CPSF2: variants seen among roughly 807,000 people sequenced by gnomAD.
CPSF2 encodes the protein cleavage and polyadenylation specific factor 2.
CPSF2 carries 51 observed loss-of-function variants against 84.2 expected under a neutral mutation model. The ratio of observed to expected loss-of-function variants is 0.61; its 90% CI spans 0.48 to 0.77. The LOEUF is 0.77. Among genes scored for constraint, CPSF2 ranks in the 30% least tolerant of loss-of-function variants. CPSF2 has a pLI of 0.00. For synonymous variants in CPSF2, 286 were observed against 311.9 expected, an observed-to-expected ratio of 0.92 and a Z score of 0.87; for missense variants, 641 against 929.4, an observed-to-expected ratio of 0.69 and a Z score of 4.03.
intron 15 of CPSF2, 45 bp from the exon 16 acceptor site, chr14:92,161,607 A>T: frequency 1.5e-6 from 2 of 1,340,952 alleles, no homozygotes; most frequent in South Asian, 1.3e-5. Context: ...CTGCATATTA[A>T]TGAATAGAAA....
intron 7 of CPSF2, 102 bp from the exon 8 acceptor site, chr14:92,142,061 TA>T: frequency 1.1e-6 from 1 of 941,088 alleles, no homozygotes; most frequent in Non-Finnish European, 1.5e-6. Flanking sequence ...TGCTTATTTG[TA>T]AATTATAGTC....
At chr14:92,138,130 G>A (rs1199571251) in intron 6 of CPSF2, 102 bp from the exon 7 acceptor site, 1 of 496,134 alleles carries the variant, frequency 2.0e-6, no homozygotes, top group African/African-American at 2.0e-5. Flanking sequence ...GTTAGAGGAG[G>A]GAACACCTTA....
chr14:92,135,549 C>A, intron 6 of CPSF2, 53 bp downstream of exon 6: 2 of 1,499,054 alleles, frequency 1.3e-6, no homozygotes, highest in South Asian at 1.3e-5. Context: ...TTATTTTATT[C>A]TTTGGAGAAA....
At chr14:92,140,750 A>G (rs1159968988) in intron 7 of CPSF2, among the ~76,000 whole-genome samples, 2 of 151,772 alleles carry the variant, frequency 1.3e-5, no homozygotes, top group Non-Finnish European at 2.9e-5. Context: ...CATCTCTACA[A>G]AAAAAAAGAA....
intron 1 of CPSF2, among the ~76,000 whole-genome samples, chr14:92,124,281 G>T (rs2068817750): frequency 6.6e-6 from 1 of 152,056 alleles, no homozygotes; most frequent in South Asian, 2.1e-4. Context: ...GAGGATATTT[G>T]TTTTTTTAGG....
rs758600812 is a variant in CPSF2, at chr14:92,165,493, C to G, written c.*3749C>G. On this transcript the variant is annotated 3_prime_UTR_variant, in exon 16 of 16. Transcript: ENST00000298875. ...ATAGTGTGGGTGAAGAAGTGTCTCA[C>G]TGAGGTTTTGATTTGCATTTCCTTA... is the stretch of plus-strand genomic sequence containing the variant. 3.9e-5 allele frequency: 6 copies of G among 152,094 alleles called. No homozygotes were observed. Among genetic ancestry groups the G allele is most frequent in the Non-Finnish European group, 7.4e-5 (5 of 68,018 alleles). The allele number at this position is 152,094 out of a possible 1,614,324, so 9.4% of individuals were successfully genotyped here.
At chr14:92,126,292 C>T in intron 2 of CPSF2, 112 bp downstream of exon 2, 1 of 152,110 alleles carries the variant, frequency 6.6e-6, no homozygotes, top group East Asian at 1.9e-4. Flanking sequence ...TTAATATGAA[C>T]TTACTCAGTT....
intron 14 of CPSF2, among the ~76,000 whole-genome samples, chr14:92,159,771 G>C (rs1279187263): frequency 1.3e-5 from 2 of 151,862 alleles, no homozygotes; most frequent in African/African-American, 4.8e-5. Flanking sequence ...GTATGTCTCT[G>C]TGTATATATT....
At chr14:92,152,627 C>T (rs555634103) in intron 9 of CPSF2, among the ~76,000 whole-genome samples, 5 of 149,676 alleles carry the variant, frequency 3.3e-5, no homozygotes, top group African/African-American at 4.9e-5. Flanking sequence ...ATAGTAGAGA[C>T]GGGGTTTCAC....
chr14:92,147,388 A>T (rs2069157159), intron 9 of CPSF2, among the ~76,000 whole-genome samples: 1 of 152,232 alleles, frequency 6.6e-6, no homozygotes, highest in Admixed American at 6.5e-5. Context: ...TGGATTAGAA[A>T]AAGGAGTAAG....
In CPSF2 at chr14:92,169,809, G is replaced by C. The variant is rs1229892683; in HGVS notation, c.*8065G>C. ...ATTGAATACTTTTACCTAAGATAAT[G>C]AAACCGTTAAGTAGAGATTTTTCTA... On this transcript the variant is annotated 3_prime_UTR_variant, in exon 16 of 16. Transcript: ENST00000298875. 6.6e-6 allele frequency: 1 copy of C among 151,990 alleles called. No individual in the cohort carries two copies. Among genetic ancestry groups the C allele is most frequent in the East Asian group, 1.9e-4 (1 of 5,200 alleles). 9.4% of individuals were successfully genotyped at this position (151,990 alleles called of 1,614,324 possible).
intron 13 of CPSF2, 44 bp from the exon 14 acceptor site, chr14:92,158,939 T>C: frequency 6.8e-6 from 10 of 1,473,654 alleles, no homozygotes; most frequent in Non-Finnish European, 9.2e-6. Context: ...TGTTAATATG[T>C]ATTCTGTGGG....
intron 2 of CPSF2, 94 bp from the exon 3 acceptor site, chr14:92,130,857 C>A: frequency 1.4e-6 from 1 of 727,282 alleles, no homozygotes; most frequent in Non-Finnish European, 2.1e-6. Flanking sequence ...AATTTCTATG[C>A]ACTTAAAGAT....
chr14:92,134,285 A>G lies in CPSF2; in HGVS notation c.345A>G (p.Thr115=), dbSNP rs758152496. The change falls in exon 5 of 16, where the codon ACA becomes ACG. Residue 115 remains threonine, a synonymous_variant. Coordinates refer to ENST00000298875, the MANE Select transcript of CPSF2 (RefSeq NM_017437.3). ...RHNTEDFTLF[T]LDDVDAAFDK... is the part of the protein sequence containing the mutation. ...ATACAGAAGATTTTACACTCTTTAC[A>G]TTAGATGATGTGGATGCAGCCTTTG... 11 of 1,613,790 alleles carry G rather than the reference A, an allele frequency of 6.8e-6. No individual in the cohort carries two copies. The highest frequency in any genetic ancestry group is 4.5e-5 in the East Asian group (2 of 44,858).
chr14:92,161,094 C>G lies in CPSF2; in HGVS notation c.2122-18C>G. 1 of 1,611,438 alleles carries G rather than the reference C, an allele frequency of 6.2e-7. No homozygotes were observed. The highest frequency in any genetic ancestry group is 1.1e-5 in the South Asian group (1 of 90,708). ...TGTTTTACTTGAAGTTATTCTTTCC[C>G]CTTTGACCTTATCTAAGGTTCCTGG... On this transcript the variant is annotated intron_variant, in intron 14 of 15. Transcript: ENST00000298875.
intron 2 of CPSF2, among the ~76,000 whole-genome samples, chr14:92,127,797 T>C (rs1219517056): frequency 1.3e-5 from 2 of 152,196 alleles, no homozygotes; most frequent in African/African-American, 2.4e-5. Context: ...AGCAGGACTA[T>C]TCTATACAAC....
At chr14:92,139,052 T>C (rs2141461709) in intron 7 of CPSF2, among the ~76,000 whole-genome samples, 1 of 152,314 alleles carries the variant, frequency 6.6e-6, no homozygotes, top group South Asian at 2.1e-4. Context: ...CATAGCTAGC[T>C]ATCCCTGGCA....
chr14:92,123,002 CTG>C (rs2068796547), intron 1 of CPSF2, among the ~76,000 whole-genome samples: 1 of 151,600 alleles, frequency 6.6e-6, no homozygotes, highest in South Asian at 2.1e-4. Context: ...CAGTATGAAA[CTG>C]GGGCTCTCCC....
At chr14:92,148,612 T>TC (rs1360565072) in intron 9 of CPSF2, among the ~76,000 whole-genome samples, 1 of 151,962 alleles carries the variant, frequency 6.6e-6, no homozygotes, top group African/African-American at 2.4e-5. Context: ...GTTTTTTTTT[T>TC]CTTATTGATA....
Sources: gnomAD v4.1 joint callset for allele counts (sites outside exome capture counted in the v4.1 genomes callset) on GRCh38, gnomAD v4.1.1 for gene constraint, MANE v1.5 for transcripts, NCBI Gene and HGNC (gene_info 2026-07-23, HGNC 2026-07-21) for gene names.